RAB37: variants seen among roughly 807,000 people sequenced by gnomAD.
The protein encoded by RAB37 is RAB37, member RAS oncogene family.
RAB37 carries 29 observed loss-of-function variants against 33.1 expected under a neutral mutation model. The observed-to-expected ratio is 0.88, with a 90% CI of 0.65 to 1.20. The LOEUF (loss-of-function observed/expected upper bound fraction) is 1.20. Ranked by LOEUF, RAB37 falls within the 50% of genes most tolerant of loss-of-function variation. The probability of loss-of-function intolerance (pLI) is 0.00; values close to 1 mark genes in which losing one functional copy is unlikely to be tolerated. For missense variants in RAB37, 299 were observed against 301.1 expected, an observed-to-expected ratio of 0.99 and a Z score of 0.05; for synonymous variants, 128 against 119.5, an observed-to-expected ratio of 1.07 and a Z score of -0.47.
chr17:74,678,935 ACT>A (rs2031897428), intron 1 of RAB37, among the ~76,000 whole-genome samples: 1 of 151,872 alleles, frequency 6.6e-6, no homozygotes, highest in African/African-American at 2.4e-5. Context: ...GCATGAGGAA[ACT>A]CTGTCTCTAG....
chr17:74,696,131 G>C, intron 1 of RAB37: 13 of 1,557,100 alleles, frequency 8.3e-6, no homozygotes, highest in Non-Finnish European at 1.1e-5. Flanking sequence ...TCTGAGAGAT[G>C]GAAAATGAGG....
intron 1 of RAB37, among the ~76,000 whole-genome samples, chr17:74,712,582 C>T (rs2034046991): frequency 6.6e-6 from 1 of 152,218 alleles, no homozygotes; most frequent in Non-Finnish European, 1.5e-5. Flanking sequence ...ACAGTCTGTC[C>T]ATTTCACATG....
At chr17:74,691,487 A>C (rs1236089714) in intron 1 of RAB37, among the ~76,000 whole-genome samples, 5 of 152,026 alleles carry the variant, frequency 3.3e-5, no homozygotes, top group African/African-American at 1.2e-4. Context: ...ACCTTTTTTC[A>C]AAGTTTGACT....
intron 1 of RAB37, among the ~76,000 whole-genome samples, chr17:74,680,810 C>T (rs1042452937): frequency 1.4e-5 from 2 of 147,878 alleles, no homozygotes; most frequent in East Asian, 2.0e-4. Context: ...CGTTCATCAT[C>T]GCCAGAGTTG....
intron 1 of RAB37, among the ~76,000 whole-genome samples, chr17:74,688,283 C>T (rs1319620721): frequency 6.6e-6 from 1 of 152,186 alleles, no homozygotes; most frequent in Non-Finnish European, 1.5e-5. Context: ...GGCGTGGTGG[C>T]TCACGTCTGT....
chr17:74,709,347 AT>A (rs1408798101), intron 1 of RAB37, among the ~76,000 whole-genome samples: 4 of 152,208 alleles, frequency 2.6e-5, no homozygotes, highest in African/African-American at 9.7e-5. Flanking sequence ...CTCATTCATG[AT>A]TTTTTAAAAA....
Position 74,742,342 on chromosome 17 carries a change from C to T in RAB37, c.246+47C>T. The T allele has an allele frequency of 1.3e-6, 2 of 1,504,072 alleles. No homozygotes were observed. The highest frequency in any genetic ancestry group is 1.8e-6 in the Non-Finnish European group (2 of 1,087,044). 93.2% of individuals were successfully genotyped at this position (1,504,072 alleles called of 1,614,324 possible). The stretch of plus-strand genomic sequence containing the variant: ...GGGGAGGGAGGATGGAGGACCTGCC[C>T]TTCCTTCTCACCCTGAACCACAGGA... On this transcript the variant is annotated intron_variant, in intron 3 of 8. Transcript: ENST00000392613. This position sits in a 1 kb window ranked among gnomAD's most constrained non-coding sequence, Gnocchi z 4.0.
At chr17:74,692,762 G>A (rs919262146) in intron 1 of RAB37, among the ~76,000 whole-genome samples, 2 of 152,144 alleles carry the variant, frequency 1.3e-5, no homozygotes, top group African/African-American at 4.8e-5. Flanking sequence ...GTCTGTCCAC[G>A]TCATGCTTCT....
chr17:74,725,886 G>T (rs1322638691), intron 1 of RAB37, among the ~76,000 whole-genome samples: 2 of 151,944 alleles, frequency 1.3e-5, no homozygotes, highest in African/African-American at 4.8e-5. Context: ...AAAGTGCTGG[G>T]ATTACAGGCT....
intron 5 of RAB37, 45 bp downstream of exon 5, chr17:74,743,385 C>G: frequency 6.3e-7 from 1 of 1,598,854 alleles, no homozygotes; most frequent in Non-Finnish European, 8.6e-7. Flanking sequence ...GCAGCCAAGG[C>G]AAGGTCTATG....
intron 1 of RAB37, among the ~76,000 whole-genome samples, chr17:74,712,262 C>T (rs2034017888): frequency 6.6e-6 from 1 of 152,196 alleles, no homozygotes; most frequent in African/African-American, 2.4e-5. Context: ...CCCTCTGGCT[C>T]TGCCCACATC....
chr17:74,695,097 T>C (rs768123054), intron 1 of RAB37: 1 of 1,613,228 alleles, frequency 6.2e-7, no homozygotes, highest in East Asian at 2.2e-5. Context: ...GAGTGCAGGC[T>C]AAGGCCTGCT....
At chr17:74,695,748 C>T in intron 1 of RAB37, 22 of 1,614,172 alleles carry the variant, frequency 1.4e-5, no homozygotes, top group Non-Finnish European at 1.9e-5. Flanking sequence ...TCCACTTCCA[C>T]CTGGTCAACC....
intron 1 of RAB37, among the ~76,000 whole-genome samples, chr17:74,674,229 C>T (rs555525135): frequency 4.9e-4 from 75 of 152,178 alleles, no homozygotes; most frequent in African/African-American, 1.7e-3. Context: ...CATGTGCCAC[C>T]ATGCCTGGCT....
At chr17:74,722,499 G>A (rs1312562157) in intron 1 of RAB37, among the ~76,000 whole-genome samples, 1 of 152,152 alleles carries the variant, frequency 6.6e-6, no homozygotes, top group Non-Finnish European at 1.5e-5. Flanking sequence ...CACTCACCCA[G>A]ATTACTGAAG....
At chr17:74,726,813 T>C (rs756610400) in intron 1 of RAB37, among the ~76,000 whole-genome samples, 4 of 152,172 alleles carry the variant, frequency 2.6e-5, no homozygotes, top group Non-Finnish European at 5.9e-5. Flanking sequence ...TACGGTTTAG[T>C]TGTTTTTATG....
chr17:74,734,298 T>C (rs988258073), upstream of RAB37, among the ~76,000 whole-genome samples: 2 of 152,246 alleles, frequency 1.3e-5, no homozygotes, highest in African/African-American at 2.4e-5. Flanking sequence ...TGTCTCTTTC[T>C]TCTTATGACA....
intron 1 of RAB37, among the ~76,000 whole-genome samples, chr17:74,721,665 T>C (rs1171529962): frequency 6.6e-6 from 1 of 152,050 alleles, no homozygotes; most frequent in Non-Finnish European, 1.5e-5. Flanking sequence ...ACTCCCAACC[T>C]CAGGTGATCC....
intron 1 of RAB37, chr17:74,698,728 A>G: frequency 1.1e-6 from 1 of 896,118 alleles, no homozygotes; most frequent in East Asian, 2.7e-5. Context: ...GGGAGGAAGC[A>G]AAGAATCAAA....
Sources: allele counts gnomAD v4.1 joint callset (sites outside exome capture counted in the v4.1 genomes callset), GRCh38; gene constraint gnomAD v4.1.1; non-coding constraint Gnocchi (gnomAD v3.1); transcripts MANE v1.5; gene names NCBI Gene and HGNC (gene_info 2026-07-23, HGNC 2026-07-21).